Variants in PRKAG2 observed in about 807,000 individuals in gnomAD.
The protein encoded by PRKAG2 is protein kinase AMP-activated non-catalytic subunit gamma 2, also known as 5'-AMP-activated protein kinase subunit gamma-2.
A neutral mutation model predicts 69.6 loss-of-function variants in PRKAG2; 26 were observed. The observed-to-expected ratio is 0.37, with a 90% CI of 0.27 to 0.52. PRKAG2 has a LOEUF of 0.52. Among genes scored for constraint, PRKAG2 ranks in the 20% least tolerant of loss-of-function variants. PRKAG2 has a pLI of 0.90. For missense variants in PRKAG2, 557 were observed against 740.0 expected (o/e 0.75, Z 2.87); for synonymous variants, 293 against 285.0 (o/e 1.03, Z -0.28).
intron 3 of PRKAG2, among the ~76,000 whole-genome samples, chr7:151,729,023 C>T (rs1019696586): frequency 6.6e-6 from 1 of 152,002 alleles, no homozygotes; most frequent in Non-Finnish European, 1.5e-5. Context: ...TGAGTGACTC[C>T]GGGAGTCCTC....
At chr7:151,854,150 AC>A (rs1407776334) in intron 1 of PRKAG2, among the ~76,000 whole-genome samples, 1 of 152,166 alleles carries the variant, frequency 6.6e-6, no homozygotes, top group East Asian at 1.9e-4. Flanking sequence ...AGAAGCCTCC[AC>A]CCCGACTGCT....
chr7:151,632,142 A>T lies in PRKAG2; in HGVS notation c.685-4T>A. 1.4e-6 allele frequency: 2 copies of T among 1,393,604 alleles called. No homozygotes were observed. Among genetic ancestry groups the T allele is most frequent in the Non-Finnish European group, 1.9e-6 (2 of 1,060,148 alleles). 86.3% of individuals were successfully genotyped at this position (1,393,604 alleles called of 1,614,324 possible). ...CCAGGGCCGCCGCCAGCGCCGCCTG[A>T]GGGGGAGGAGGAGGACAGCGATCAG... On this transcript the variant is annotated splice_region_variant and splice_polypyrimidine_tract_variant and intron_variant, in intron 4 of 15. Transcript: ENST00000287878. The surrounding 1 kb of genome is among the most constrained non-coding windows in gnomAD (Gnocchi z 4.2).
At chr7:151,868,273 G>C (rs1444267323) in intron 1 of PRKAG2, among the ~76,000 whole-genome samples, 1 of 152,250 alleles carries the variant, frequency 6.6e-6, no homozygotes, top group Non-Finnish European at 1.5e-5. Flanking sequence ...TTCCAAGGCA[G>C]GGCTAAAATA....
At chr7:151,840,277 C>G (rs1247148277) in intron 1 of PRKAG2, among the ~76,000 whole-genome samples, 1 of 152,178 alleles carries the variant, frequency 6.6e-6, no homozygotes, top group Non-Finnish European at 1.5e-5. Flanking sequence ...CAGAATGCAA[C>G]TGGCTGGCTA....
intron 1 of PRKAG2, among the ~76,000 whole-genome samples, chr7:151,845,191 C>G (rs1457252444): frequency 6.6e-6 from 1 of 151,974 alleles, no homozygotes; most frequent in Non-Finnish European, 1.5e-5. Context: ...CTCTTCACCC[C>G]GACAGCCTCT....
In PRKAG2 at chr7:151,814,752, T is replaced by C; in HGVS notation, c.115-28211A>G. The C allele has an allele frequency of 8.3e-7, 1 of 1,201,906 alleles. No individual in the cohort carries two copies. Among genetic ancestry groups the C allele is most frequent in the Non-Finnish European group, 1.0e-6 (1 of 960,986 alleles). 74.5% of individuals were successfully genotyped at this position (1,201,906 alleles called of 1,614,324 possible). On this transcript the variant is annotated intron_variant, in intron 1 of 15. Transcript: ENST00000287878. This position sits in a 1 kb window ranked among gnomAD's most constrained non-coding sequence, Gnocchi z 4.8. ...CCTAAGACAGCGCAGGCAACGGTCT[T>C]GGTGGCTGGAGCTGCTTTGCTGCTC...
chr7:151,664,109 T>C (rs1273297895), intron 4 of PRKAG2, among the ~76,000 whole-genome samples: 3 of 152,230 alleles, frequency 2.0e-5, no homozygotes, highest in Non-Finnish European at 2.9e-5. Context: ...CCTAATCAGG[T>C]ATATGAGCTA....
intron 3 of PRKAG2, among the ~76,000 whole-genome samples, chr7:151,713,839 G>A (rs1231455743): frequency 6.6e-6 from 1 of 152,114 alleles, no homozygotes; most frequent in East Asian, 1.9e-4. Context: ...GCCTCCCAAA[G>A]TGCCAGGATT....
At chr7:151,764,346 G>C (rs1258608065) in intron 3 of PRKAG2, among the ~76,000 whole-genome samples, 1 of 152,214 alleles carries the variant, frequency 6.6e-6, no homozygotes, top group African/African-American at 2.4e-5. Flanking sequence ...CTCCAGAAGG[G>C]AGAAAGGCTG....
intron 6 of PRKAG2, among the ~76,000 whole-genome samples, chr7:151,577,233 T>C (rs1169298855): frequency 2.6e-5 from 4 of 152,198 alleles, no homozygotes; most frequent in South Asian, 4.1e-4. Flanking sequence ...AGATACAATA[T>C]ATTTTTGCAT....
At chr7:151,819,510 T>A (rs989163438) in intron 1 of PRKAG2, among the ~76,000 whole-genome samples, 1 of 152,150 alleles carries the variant, frequency 6.6e-6, no homozygotes. Flanking sequence ...TTAGATTAGC[T>A]GAGAATAGTT....
chr7:151,572,887 C>A (rs1807929398), intron 8 of PRKAG2, among the ~76,000 whole-genome samples, 178 bp from the exon 9 acceptor site: 1 of 152,080 alleles, frequency 6.6e-6, no homozygotes, highest in Admixed American at 6.6e-5. Context: ...TCAAGGTGGG[C>A]AGATCACCTG....
At chr7:151,827,028 A>G (rs567337126) in intron 1 of PRKAG2, among the ~76,000 whole-genome samples, 1 of 152,342 alleles carries the variant, frequency 6.6e-6, no homozygotes, top group South Asian at 2.1e-4. Flanking sequence ...CAGAGAACAC[A>G]GCTGTGTAGG....
At chr7:151,607,099 TAAA>T (rs1226590376) in intron 5 of PRKAG2, among the ~76,000 whole-genome samples, 1 of 152,226 alleles carries the variant, frequency 6.6e-6, no homozygotes, top group Non-Finnish European at 1.5e-5. Flanking sequence ...AGGGAGTTGC[TAAA>T]GAAGAATATG....
intron 5 of PRKAG2, among the ~76,000 whole-genome samples, chr7:151,622,054 T>C (rs1358128179): frequency 2.0e-5 from 3 of 152,230 alleles, no homozygotes; most frequent in Admixed American, 2.0e-4. Context: ...TGACTACCTT[T>C]GTAGTTGATT....
rs146622295 is a variant in PRKAG2 at position 151,803,910 on chromosome 7, A to C, written c.115-17369T>G. Among the ~76,000 whole-genome samples the C allele has an allele frequency of 4.4e-3, 645 of 146,764 alleles. 8 individuals carry two copies. Among genetic ancestry groups the C allele is most frequent in the African/African-American group, 0.016 (621 of 39,174 alleles). ...TTGAGATCGCGCCACTGCACTCCAG[A>C]CTGGGCAGCAGTGCGAGACTATGTC... On this transcript the variant is annotated intron_variant, in intron 1 of 15. Transcript: ENST00000287878.
chr7:151,847,023 C>T (rs191706942), intron 1 of PRKAG2, among the ~76,000 whole-genome samples: 14 of 152,316 alleles, frequency 9.2e-5, no homozygotes, highest in South Asian at 4.1e-4. Flanking sequence ...TGGGGGTAAG[C>T]GGCTGGGTGA....
At chr7:151,659,822 G>A (rs745628668) in intron 4 of PRKAG2, among the ~76,000 whole-genome samples, 12 of 152,194 alleles carry the variant, frequency 7.9e-5, no homozygotes, top group African/African-American at 1.9e-4. Flanking sequence ...TGGAGGCTCC[G>A]CTAGAAAAAA....
chr7:151,853,991 A>G (rs1358707665), intron 1 of PRKAG2, among the ~76,000 whole-genome samples: 1 of 151,968 alleles, frequency 6.6e-6, no homozygotes, highest in Non-Finnish European at 1.5e-5. Flanking sequence ...ACAGACAAGG[A>G]TAACCTTGGT....
Sources: gnomAD v4.1 joint callset for allele counts (sites outside exome capture counted in the v4.1 genomes callset) on GRCh38, gnomAD v4.1.1 for gene constraint, Gnocchi (gnomAD v3.1) non-coding constraint, MANE v1.5 for transcripts, NCBI Gene and HGNC (gene_info 2026-07-23, HGNC 2026-07-21) for gene names.